Variants in NME7 observed in about 807,000 individuals in gnomAD.
The protein encoded by NME7 is NME/NM23 family member 7, also known as nucleoside diphosphate kinase 7.
Under a neutral mutation model 49.1 loss-of-function variants are expected in NME7, and 41 were observed. The observed-to-expected ratio is 0.83, with a 90% CI of 0.65 to 1.08. The LOEUF (loss-of-function observed/expected upper bound fraction) is 1.08. Ranked by LOEUF, NME7 falls within the 50% of genes least tolerant of loss-of-function variation. The pLI, the probability that NME7 is intolerant of heterozygous loss-of-function variation, is 0.00. For synonymous variants in NME7, 139 were observed against 150.6 expected, an observed-to-expected ratio of 0.92 and a Z score of 0.56; for missense variants, 423 against 463.4, an observed-to-expected ratio of 0.91 and a Z score of 0.80.
intron 1 of NME7, among the ~76,000 whole-genome samples, chr1:169,356,863 T>C (rs1010077289): frequency 2.0e-5 from 3 of 152,182 alleles, no homozygotes. Context: ...TTTATACATA[T>C]TCACATGTTA....
chr1:169,247,657 C>T (rs1417302378), intron 7 of NME7, among the ~76,000 whole-genome samples: 1 of 152,132 alleles, frequency 6.6e-6, no homozygotes, highest in Non-Finnish European at 1.5e-5. Context: ...TCTTCTGAGT[C>T]GCCAAAGTCC....
chr1:169,238,977 T>C (rs1647974983), intron 7 of NME7, among the ~76,000 whole-genome samples: 2 of 152,084 alleles, frequency 1.3e-5, no homozygotes, highest in South Asian at 4.1e-4. Context: ...TATTTAGTTT[T>C]ATATTTGGAC....
intron 7 of NME7, among the ~76,000 whole-genome samples, chr1:169,257,732 A>G (rs1649014605): frequency 7.4e-6 from 1 of 134,426 alleles, no homozygotes; most frequent in Non-Finnish European, 1.7e-5. Context: ...TCTAGTAGTA[A>G]CAAATTCTCT....
In NME7 at chr1:169,331,724, C is replaced by CAAATA. The variant is rs568445770; in HGVS notation, c.4-7229_4-7225dup. ...AAAGTTATCCCATTTACAATAGCCACAAATAAAATAAAATACCTAAGAATT... is the reference window on the plus strand; with the variant it reads ...AAAGTTATCCCATTTACAATAGCCACAAATAAAATAAAATAAAATACCTAAGAATT... On this transcript the variant is annotated intron_variant, in intron 1 of 11. Coordinates refer to ENST00000367811, the MANE Select transcript of NME7 (RefSeq NM_013330.5). Among the ~76,000 whole-genome samples, 653 of 150,280 alleles carry CAAATA rather than the reference C, an allele frequency of 4.3e-3. 5 individuals carry two copies. Among genetic ancestry groups the CAAATA allele is most frequent in the African/African-American group, 0.015 (611 of 40,850 alleles).
Position 169,259,426 on chromosome 1 carries a change from A to C in NME7, c.755-21739T>G, listed in dbSNP as rs1317444826. Among the ~76,000 whole-genome samples the C allele has an allele frequency of 1.5e-5, 2 of 134,328 alleles. 1 individual carries two copies. The highest frequency in any genetic ancestry group is 3.5e-5 in the Non-Finnish European group (2 of 57,078). The allele number at this position is 134,328 out of a possible 152,430, so 88.1% of individuals were successfully genotyped here. Reference sequence around the variant, plus strand: ...TGTCTTTCTTATTTTGCTCAAGTTCATTACTATGAAATTCATTCATTTTGT... The same window carrying C: ...TGTCTTTCTTATTTTGCTCAAGTTCCTTACTATGAAATTCATTCATTTTGT... On this transcript the variant is annotated intron_variant, in intron 7 of 11. Transcript: ENST00000367811.
chr1:169,234,702 C>T (rs1647785645), intron 9 of NME7, among the ~76,000 whole-genome samples: 2 of 151,970 alleles, frequency 1.3e-5, no homozygotes, highest in South Asian at 4.1e-4. Context: ...AGATCTGAAC[C>T]TAGCATCTGA....
Position 169,213,371 on chromosome 1 carries a change from A to G in NME7, c.990+17347T>C, listed in dbSNP as rs557690813. ...AATGAGAATGAACTGCACAGGAGTA[A>G]AAAAAAAAATCTCACCCATAGTACT... On this transcript the variant is annotated intron_variant, in intron 10 of 11. Transcript: ENST00000367811. 4.9e-4 allele frequency among the ~76,000 whole-genome samples: 29 copies of G among 59,730 alleles called. No individual in the cohort carries two copies. The East Asian group carries it at 0.074, about 152-fold the overall frequency. 39.2% of individuals were successfully genotyped at this position (59,730 alleles called of 152,430 possible). A position where few individuals can be genotyped will look rare whatever the true frequency, so the allele number is the denominator to read the frequency against.
intron 1 of NME7, among the ~76,000 whole-genome samples, chr1:169,340,899 A>G (rs763628483): frequency 6.6e-6 from 1 of 151,276 alleles, no homozygotes; most frequent in Non-Finnish European, 1.5e-5. Context: ...GCATTCAGTC[A>G]GATGTATTCA....
At chr1:169,145,923 A>T (rs1658734431) in intron 11 of NME7, among the ~76,000 whole-genome samples, 1 of 152,142 alleles carries the variant, frequency 6.6e-6, no homozygotes, top group South Asian at 2.1e-4. Flanking sequence ...AAAAGTGGAG[A>T]GATACAGCAT....
At chr1:169,333,724 G>C (rs534423677) in intron 1 of NME7, among the ~76,000 whole-genome samples, 1 of 152,212 alleles carries the variant, frequency 6.6e-6, no homozygotes, top group South Asian at 2.1e-4. Flanking sequence ...CTCCAGATCT[G>C]CTCTTAGACA....
chr1:169,335,933 T>C (rs1289839295), intron 1 of NME7, among the ~76,000 whole-genome samples: 3 of 151,732 alleles, frequency 2.0e-5, no homozygotes, highest in African/African-American at 4.8e-5. Context: ...TCTGAGAACA[T>C]AGTGTGTCCG....
intron 1 of NME7, among the ~76,000 whole-genome samples, chr1:169,365,270 G>C (rs906987332): frequency 1.3e-5 from 2 of 152,140 alleles, no homozygotes; most frequent in South Asian, 2.1e-4. Flanking sequence ...AGCTGTCAGG[G>C]AGGCGGATTT....
intron 10 of NME7, among the ~76,000 whole-genome samples, chr1:169,216,983 T>C (rs899572434): frequency 5.9e-5 from 9 of 152,140 alleles, no homozygotes; most frequent in African/African-American, 9.7e-5. Context: ...GTTGTAACTG[T>C]GAGGTGATGG....
intron 1 of NME7, among the ~76,000 whole-genome samples, chr1:169,329,201 A>C (rs1652172651): frequency 6.7e-6 from 1 of 148,208 alleles, no homozygotes; most frequent in Admixed American, 6.6e-5. Flanking sequence ...AATCTGATCT[A>C]ATTTTTTTCA....
At chr1:169,367,445 A>G (rs1653915260) in intron 1 of NME7, among the ~76,000 whole-genome samples, 1 of 152,230 alleles carries the variant, frequency 6.6e-6, no homozygotes, top group African/African-American at 2.4e-5. Flanking sequence ...TGTTTGTTCA[A>G]AACAGGTTAT....
At chr1:169,338,618 G>GA (rs897951637) in intron 1 of NME7, among the ~76,000 whole-genome samples, 1 of 152,074 alleles carries the variant, frequency 6.6e-6, no homozygotes, top group African/African-American at 2.4e-5. Flanking sequence ...ACTGCCCAGT[G>GA]AAAAAACAAT....
intron 6 of NME7, among the ~76,000 whole-genome samples, chr1:169,296,737 C>G (rs1321451327): frequency 7.0e-6 from 1 of 141,942 alleles, no homozygotes; most frequent in African/African-American, 2.5e-5. Flanking sequence ...TAAATTCTAT[C>G]CTTCTGATAA....
chr1:169,210,466 G>A (rs1423238320), intron 10 of NME7, among the ~76,000 whole-genome samples: 3 of 152,154 alleles, frequency 2.0e-5, no homozygotes, highest in Non-Finnish European at 4.4e-5. Flanking sequence ...TATCAGATGT[G>A]TTGGTGCCCC....
intron 8 of NME7, among the ~76,000 whole-genome samples, chr1:169,237,099 G>A (rs1244058359): frequency 6.6e-6 from 1 of 152,006 alleles, no homozygotes; most frequent in Non-Finnish European, 1.5e-5. Flanking sequence ...TTGAACAAGC[G>A]TGGGCTCTGA....
Sources: allele counts gnomAD v4.1 joint callset (sites outside exome capture counted in the v4.1 genomes callset), GRCh38; gene constraint gnomAD v4.1.1; transcripts MANE v1.5; gene names NCBI Gene and HGNC (gene_info 2026-07-23, HGNC 2026-07-21).